PPP3CB: variants seen among roughly 807,000 people sequenced by gnomAD.
The protein encoded by PPP3CB is serine/threonine-protein phosphatase 2B catalytic subunit beta isoform.
PPP3CB carries 8 observed loss-of-function variants against 66.4 expected under a neutral mutation model. That is an observed-to-expected ratio of 0.12 (90% CI 0.07 to 0.22). PPP3CB has a LOEUF of 0.22. Ranked by LOEUF, PPP3CB falls within the 10% of genes least tolerant of loss-of-function variation. The pLI, the probability that PPP3CB is intolerant of heterozygous loss-of-function variation, is 1.00. For synonymous variants in PPP3CB, 208 were observed against 221.2 expected (o/e 0.94, Z 0.53); for missense variants, 319 against 642.5 (o/e 0.50, Z 5.44).
intron 1 of PPP3CB, chr10:73,495,486 A>C: frequency 1.1e-5 from 2 of 181,530 alleles, no homozygotes; most frequent in Non-Finnish European, 1.2e-5. Flanking sequence ...GCAGGAAGCT[A>C]ATCGCGGCCC....
chr10:73,468,016 AAC>A (rs2056645935), intron 8 of PPP3CB, among the ~76,000 whole-genome samples: 1 of 152,194 alleles, frequency 6.6e-6, no homozygotes, highest in South Asian at 2.1e-4. Context: ...TTTTAGAGGA[AAC>A]ACAGAATGGC....
At chr10:73,449,491 T>C (rs1435573565) in intron 10 of PPP3CB, among the ~76,000 whole-genome samples, 1 of 152,218 alleles carries the variant, frequency 6.6e-6, no homozygotes, top group African/African-American at 2.4e-5. Context: ...TGAGATATAT[T>C]ATTCCTTTAT....
intron 9 of PPP3CB, among the ~76,000 whole-genome samples, chr10:73,455,185 A>C (rs561868020): frequency 1.3e-5 from 2 of 152,028 alleles, no homozygotes; most frequent in East Asian, 3.9e-4. Context: ...GCCTGGCCTT[A>C]ATCTTTTAAA....
intron 3 of PPP3CB, chr10:73,477,190 T>C (rs751835876): frequency 1.9e-6 from 1 of 518,822 alleles, no homozygotes; most frequent in Non-Finnish European, 3.8e-6. Context: ...TTAATCGATA[T>C]GTCTTCAGTG....
At chr10:73,454,522 AC>A in intron 9 of PPP3CB, 33 bp from the exon 10 acceptor site, 1 of 1,447,302 alleles carries the variant, frequency 6.9e-7, no homozygotes, top group Non-Finnish European at 9.7e-7. Context: ...ATGTTAGCTG[AC>A]CATATATAAC....
intron 1 of PPP3CB, among the ~76,000 whole-genome samples, chr10:73,492,198 C>T (rs2099821934): frequency 6.6e-6 from 1 of 152,112 alleles, no homozygotes; most frequent in Non-Finnish European, 1.5e-5. Context: ...TTTGAGGTTA[C>T]TATAACCCAT....
chr10:73,487,788 T>G (rs1027863106), intron 1 of PPP3CB, among the ~76,000 whole-genome samples: 2 of 149,420 alleles, frequency 1.3e-5, no homozygotes, highest in East Asian at 1.9e-4. Flanking sequence ...AAGTTTTTGT[T>G]TTTTTTTTTT....
intron 13 of PPP3CB, 105 bp from the exon 14 acceptor site, chr10:73,438,525 T>C (rs2056100134): frequency 1.1e-6 from 1 of 949,146 alleles, no homozygotes; most frequent in Admixed American, 2.2e-5. Flanking sequence ...TAGCTGTAAG[T>C]AGCAACACAT....
intron 5 of PPP3CB, 72 bp from the exon 6 acceptor site, chr10:73,471,281 G>A (rs908678678): frequency 5.5e-6 from 8 of 1,455,308 alleles, no homozygotes; most frequent in African/African-American, 2.9e-5. Flanking sequence ...ATAGGAAAAC[G>A]ATACCAACTT....
chr10:73,445,976 T>G (rs925903643), intron 11 of PPP3CB, among the ~76,000 whole-genome samples: 2 of 151,982 alleles, frequency 1.3e-5, no homozygotes, highest in Non-Finnish European at 2.9e-5. Flanking sequence ...CTCAATCTCT[T>G]GACCTCGTGA....
Position 73,479,521 on chromosome 10 carries a change from C to G in PPP3CB, c.86-4G>C. ...TGTGTTGGGGGGAAAGGGACAGCTG[C>G]AAATGTTTTTAATTAATAAAAGATA... On this transcript the variant is annotated splice_polypyrimidine_tract_variant and splice_region_variant and intron_variant, in intron 1 of 13. Transcript: ENST00000360663. The G allele has an allele frequency of 6.2e-7, 1 of 1,609,354 alleles. No homozygotes were observed. Among genetic ancestry groups the G allele is most frequent in the Non-Finnish European group, 8.5e-7 (1 of 1,177,624 alleles).
At chr10:73,466,043 T>A (rs1589700755) in intron 9 of PPP3CB, among the ~76,000 whole-genome samples, 1 of 152,208 alleles carries the variant, frequency 6.6e-6, no homozygotes. Context: ...GATCACTTAG[T>A]ACCAGACCTC....
In PPP3CB at chr10:73,439,896, C is replaced by A; in HGVS notation, c.1372G>T (p.Val458Phe). The change falls in exon 13 of 14, where the codon GTT (valine) becomes TTT (phenylalanine). Residue 458 changes from valine (V) to phenylalanine (F), a missense_variant. This residue lies in a region of PPP3CB where 120 missense variants were observed against 331.2 expected (regional missense o/e 0.36). Transcript: ENST00000360663. ...GGRQTLQSAT[V>F]EAIEAEKAIR... ...CCTTTTTCAGCCTCAATAGCCTCAA[C>A]TGTGGCTGTACAGAAGTGAGCAGAG... is the stretch of plus-strand genomic sequence containing the variant. The A allele has an allele frequency of 6.2e-7, 1 of 1,613,546 alleles. No individual in the cohort carries two copies. The highest frequency in any genetic ancestry group is 2.2e-5 in the East Asian group (1 of 44,874).
intron 1 of PPP3CB, among the ~76,000 whole-genome samples, chr10:73,487,564 CAAAA>C (rs746889105): frequency 4.4e-3 from 284 of 65,222 alleles, no homozygotes; most frequent in African/African-American, 0.017. Context: ...AAACCAAAAC[CAAAA>C]AAAAAAAAAA....
At chr10:73,463,649 CCTTT>C (rs2056568127) in intron 9 of PPP3CB, among the ~76,000 whole-genome samples, 1 of 152,288 alleles carries the variant, frequency 6.6e-6, no homozygotes, top group South Asian at 2.1e-4. Flanking sequence ...GAAATAACCT[CCTTT>C]CTCTTTTGAG....
chr10:73,478,172 G>A (rs1473955512), intron 3 of PPP3CB, among the ~76,000 whole-genome samples: 3 of 152,058 alleles, frequency 2.0e-5, no homozygotes, highest in Admixed American at 6.5e-5. Context: ...TTTTCACATG[G>A]TTTAATGCCT....
chr10:73,443,443 AT>A (rs1234064145), intron 12 of PPP3CB, among the ~76,000 whole-genome samples: 2 of 152,132 alleles, frequency 1.3e-5, no homozygotes, highest in African/African-American at 2.4e-5. Context: ...AAAATTGCCT[AT>A]TTTTTTCCCT....
rs765297855 is a variant in PPP3CB, at chr10:73,444,559, G to A, written c.1366+166C>T. 6.5e-6 allele frequency: 10 copies of A among 1,546,704 alleles called. No homozygotes were observed. The South Asian group carries it at 1.2e-4, about 19-fold the overall frequency. Reference sequence around the variant, plus strand: ...TTCTATCAGTTTTCTGCCCTGATCAGGTATTAATGAGACACTAGCTAATAC... The same window carrying A: ...TTCTATCAGTTTTCTGCCCTGATCAAGTATTAATGAGACACTAGCTAATAC... On this transcript the variant is annotated intron_variant, in intron 12 of 13. Coordinates refer to ENST00000360663, the MANE Select transcript of PPP3CB (RefSeq NM_021132.4).
At chr10:73,447,920 C>G (rs1202090284) in intron 10 of PPP3CB, among the ~76,000 whole-genome samples, 1 of 150,822 alleles carries the variant, frequency 6.6e-6, no homozygotes, top group African/African-American at 2.4e-5. Context: ...AAAAAACCCC[C>G]AAAAACTAAA....
Sources: allele counts gnomAD v4.1 joint callset (sites outside exome capture counted in the v4.1 genomes callset), GRCh38; gene constraint gnomAD v4.1.1; regional missense constraint gnomAD v4.1.1; transcripts MANE v1.5; gene names NCBI Gene and HGNC (gene_info 2026-07-23, HGNC 2026-07-21).